The following OR2L2 variants were observed in gnomAD, a reference collection of about 807,000 sequenced individuals.
The protein encoded by OR2L2 is olfactory receptor 2L2.
For synonymous variants in OR2L2, 156 were observed against 135.4 expected (o/e 1.15, Z -1.06); for missense variants, 378 against 375.2 (o/e 1.01, Z -0.06).
chr1:248,033,136 C>T (rs984000842), intron 1 of OR2L2, among the ~76,000 whole-genome samples: 1 of 152,072 alleles, frequency 6.6e-6, no homozygotes, highest in African/African-American at 2.4e-5. Context: ...CATCATAAAT[C>T]GAGAAGCCTC....
chr1:248,039,410 G>T lies in OR2L2; in HGVS notation c.*204G>T. ...TCTATTTTGATTTTGTTTGTGTGTG[G>T]TTTTTGTTTGTTTGTTTGTTTGTCT... On this transcript the variant is annotated 3_prime_UTR_variant, in exon 3 of 3. Transcript: ENST00000641771. 2.6e-6 allele frequency: 1 copy of T among 383,516 alleles called. No homozygotes were observed. Among genetic ancestry groups the T allele is most frequent in the Non-Finnish European group, 4.6e-6 (1 of 218,846 alleles). The allele number at this position is 383,516 out of a possible 1,614,324, so 23.8% of individuals were successfully genotyped here.
intron 2 of OR2L2, among the ~76,000 whole-genome samples, chr1:248,036,645 T>C (rs2103094145): frequency 6.6e-6 from 1 of 152,242 alleles, no homozygotes; most frequent in East Asian, 1.9e-4. Context: ...TTTTCAAGCC[T>C]AAAAACTTCA....
rs182395173 is a variant in OR2L2, at chr1:248,040,875, A to G, written c.*1669A>G. 6.6e-6 allele frequency: 1 copy of G among 152,222 alleles called. No homozygotes were observed. The highest frequency in any genetic ancestry group is 1.5e-5 in the Non-Finnish European group (1 of 68,032). 9.4% of individuals were successfully genotyped at this position (152,222 alleles called of 1,614,324 possible). A position where few individuals can be genotyped will look rare whatever the true frequency, so the allele number is the denominator to read the frequency against. On this transcript the variant is annotated 3_prime_UTR_variant, in exon 3 of 3. Coordinates refer to ENST00000641771, the MANE Select transcript of OR2L2 (RefSeq NM_001385855.1). ...GGAATAATCATTTTCAAACAAGAAC[A>G]TTAACATTTGAATAGGAGATACAAA...
chr1:248,041,262 G>C lies in OR2L2; in HGVS notation c.*2056G>C, dbSNP rs1662943090. 1 of 152,074 alleles carries C rather than the reference G, an allele frequency of 6.6e-6. No homozygotes were observed. The highest frequency in any genetic ancestry group is 1.5e-5 in the Non-Finnish European group (1 of 68,000). The allele number at this position is 152,074 out of a possible 1,614,324, so 9.4% of individuals were successfully genotyped here. On this transcript the variant is annotated 3_prime_UTR_variant, in exon 3 of 3. Coordinates refer to ENST00000641771, the MANE Select transcript of OR2L2 (RefSeq NM_001385855.1). Reference sequence around the variant, plus strand: ...TGAGAAAAACAAGCAATGGGGAAAGGATTCCCTATTTAATAAATGGTGCTG... The same window carrying C: ...TGAGAAAAACAAGCAATGGGGAAAGCATTCCCTATTTAATAAATGGTGCTG...
intron 1 of OR2L2, among the ~76,000 whole-genome samples, chr1:248,033,584 G>A (rs1220883789): frequency 4.1e-5 from 6 of 148,132 alleles, no homozygotes; most frequent in East Asian, 2.0e-4. Context: ...CTACTGGTGC[G>A]AGCCACCACA....
chr1:248,036,893 C>T (rs1662777932), intron 2 of OR2L2, among the ~76,000 whole-genome samples: 1 of 152,046 alleles, frequency 6.6e-6, no homozygotes, highest in Non-Finnish European at 1.5e-5. Context: ...GATAAATATA[C>T]TTATGATCCC....
chr1:248,040,979 G>C lies in OR2L2; in HGVS notation c.*1773G>C, dbSNP rs921028482. The C allele has an allele frequency of 6.6e-6, 1 of 152,096 alleles. No individual in the cohort carries two copies. Among genetic ancestry groups the C allele is most frequent in the Non-Finnish European group, 1.5e-5 (1 of 68,002 alleles). 9.4% of individuals were successfully genotyped at this position (152,096 alleles called of 1,614,324 possible). On this transcript the variant is annotated 3_prime_UTR_variant, in exon 3 of 3. Coordinates refer to ENST00000641771, the MANE Select transcript of OR2L2 (RefSeq NM_001385855.1). The stretch of plus-strand genomic sequence containing the variant: ...TGAATAATTTAAATTTTGACTTATA[G>C]AATGGCAAATGTTTATGACTTTCTT...
Position 248,038,845 on chromosome 1 carries a change from T to C in OR2L2, c.578T>C (p.Val193Ala). The C allele has an allele frequency of 6.2e-7, 1 of 1,614,148 alleles. No individual in the cohort carries two copies. The highest frequency in any genetic ancestry group is 8.5e-7 in the Non-Finnish European group (1 of 1,180,028). Residue 193 changes from valine (V) to alanine (A), a missense_variant, in exon 3 of 3, where the codon GTC becomes GCC. Val to Ala is a moderately conservative substitution (Grantham distance 64). Coordinates refer to ENST00000641771, the MANE Select transcript of OR2L2 (RefSeq NM_001385855.1). ...ACGCTAGCCTGCACAGACACTTGGG[T>C]CTATGAGAGCACAGTGTTTTTGAGC... ...MLTLACTDTWVYESTVFLSST... is the reference protein window; with the variant it reads ...MLTLACTDTWAYESTVFLSST...
At chr1:248,033,678 G>A (rs1662680859) in intron 1 of OR2L2, among the ~76,000 whole-genome samples, 1 of 151,144 alleles carries the variant, frequency 6.6e-6, no homozygotes, top group Non-Finnish European at 1.5e-5. Context: ...CTGAGCTCAA[G>A]CAATTCTGCC....
intron 1 of OR2L2, 59 bp downstream of exon 1, chr1:248,030,294 G>A (rs565110196): frequency 1.3e-5 from 2 of 152,218 alleles, no homozygotes; most frequent in South Asian, 4.2e-4. Context: ...AGGGACTCTG[G>A]CAAGTGCTTA....
intron 2 of OR2L2, among the ~76,000 whole-genome samples, chr1:248,036,201 G>A (rs910052162): frequency 1.3e-5 from 2 of 151,816 alleles, no homozygotes; most frequent in Non-Finnish European, 2.9e-5. Context: ...TGTTGGTCCT[G>A]TTGCATTAAT....
Position 248,039,147 on chromosome 1 carries a change from A to G in OR2L2, c.880A>G (p.Lys294Glu), listed in dbSNP as rs1294785403. 3 of 1,613,772 alleles carry G rather than the reference A, an allele frequency of 1.9e-6. No individual in the cohort carries two copies. Among genetic ancestry groups the G allele is most frequent in the Non-Finnish European group, 2.5e-6 (3 of 1,179,832 alleles). ...LNPIIYSLRN[K>E]EVMGALTQVI... Reference sequence around the variant, plus strand: ...CCCCATCATCTACAGCCTGAGAAACAAGGAGGTGATGGGGGCCCTGACACA... The same window carrying G: ...CCCCATCATCTACAGCCTGAGAAACGAGGAGGTGATGGGGGCCCTGACACA... Residue 294 changes from lysine to glutamate, a missense_variant, in exon 3 of 3, where the codon AAG becomes GAG. Physicochemically the swap from Lys to Glu is moderately conservative, Grantham distance 56. Transcript: ENST00000641771.
At chr1:248,035,495 G>A (rs1269239488) in intron 1 of OR2L2, 55 bp from the exon 2 acceptor site, 1 of 151,934 alleles carries the variant, frequency 6.6e-6, no homozygotes, top group East Asian at 1.9e-4. Context: ...TGAAGCTGTG[G>A]GTTAAATTCT....
At position 248,042,258 on chromosome 1, in the gene OR2L2, A is replaced by T. The variant is rs1418628455; in HGVS notation, c.*3052A>T. On this transcript the variant is annotated 3_prime_UTR_variant, in exon 3 of 3. Coordinates refer to ENST00000641771, the MANE Select transcript of OR2L2 (RefSeq NM_001385855.1). ...TTCTCACTAAACTATCACAAGAACA[A>T]AAAACCAAACACCGCATATTCTCAC... 1 of 151,520 alleles carries T rather than the reference A, an allele frequency of 6.6e-6. No homozygotes were observed. Among genetic ancestry groups the T allele is most frequent in the Non-Finnish European group, 1.5e-5 (1 of 67,906 alleles). The allele number at this position is 151,520 out of a possible 1,614,324, so 9.4% of individuals were successfully genotyped here.
At chr1:248,032,247 A>T (rs1037848599) in intron 1 of OR2L2, among the ~76,000 whole-genome samples, 2 of 152,168 alleles carry the variant, frequency 1.3e-5, no homozygotes, top group Non-Finnish European at 2.9e-5. Context: ...CTTAAAATGT[A>T]TTTGGACATC....
In OR2L2 at chr1:248,042,274, A is replaced by T. The variant is rs1206329345; in HGVS notation, c.*3068A>T. 6.7e-6 allele frequency: 1 copy of T among 149,076 alleles called. No homozygotes were observed. Among genetic ancestry groups the T allele is most frequent in the Non-Finnish European group, 1.5e-5 (1 of 67,578 alleles). The allele number at this position is 149,076 out of a possible 1,614,324, so 9.2% of individuals were successfully genotyped here. A position where few individuals can be genotyped will look rare whatever the true frequency, so the allele number is the denominator to read the frequency against. On this transcript the variant is annotated 3_prime_UTR_variant, in exon 3 of 3. Transcript: ENST00000641771. ...ACAAGAACAAAAAACCAAACACCGCATATTCTCACTCATAGGTGGGAATTG... is the reference window on the plus strand; with the variant it reads ...ACAAGAACAAAAAACCAAACACCGCTTATTCTCACTCATAGGTGGGAATTG...
At chr1:248,036,963 C>T (rs1662779944) in intron 2 of OR2L2, among the ~76,000 whole-genome samples, 1 of 152,050 alleles carries the variant, frequency 6.6e-6, no homozygotes, top group Non-Finnish European at 1.5e-5. Context: ...GAAGCAAAGA[C>T]ACAGAATATA....
At chr1:248,034,962 AG>A (rs903311005) in intron 1 of OR2L2, among the ~76,000 whole-genome samples, 1 of 151,910 alleles carries the variant, frequency 6.6e-6, no homozygotes, top group Non-Finnish European at 1.5e-5. Context: ...TGGAGTCCTA[AG>A]GTTTTCTACA....
In OR2L2 at chr1:248,036,549, G is replaced by T. The variant is rs115651232; in HGVS notation, c.-22+925G>T. ...GTTCATCTTTGTGTGTGTGTGTATAGATGTGAGTTTGCACACTGTGTAGAT... is the reference window on the plus strand; with the variant it reads ...GTTCATCTTTGTGTGTGTGTGTATATATGTGAGTTTGCACACTGTGTAGAT... On this transcript the variant is annotated intron_variant, in intron 2 of 2. Transcript: ENST00000641771. Among the ~76,000 whole-genome samples the T allele has an allele frequency of 3.2e-4, 49 of 152,148 alleles. No individual in the cohort carries two copies. In the East Asian group the frequency reaches 6.0e-3, roughly 19 times the overall value.
Sources: allele counts gnomAD v4.1 joint callset (sites outside exome capture counted in the v4.1 genomes callset), GRCh38; gene constraint gnomAD v4.1.1; transcripts MANE v1.5; gene names NCBI Gene and HGNC (gene_info 2026-07-23, HGNC 2026-07-21).